The following SEM1 variants were observed in gnomAD, a reference collection of about 807,000 sequenced individuals.
The protein encoded by SEM1 is 26S proteasome complex subunit SEM1.
A neutral mutation model predicts 12.7 loss-of-function variants in SEM1; 3 were observed. The ratio of observed to expected loss-of-function variants is 0.24; its 90% CI spans 0.11 to 0.61. SEM1 has a LOEUF of 0.61. Among genes scored for constraint, SEM1 ranks in the 20% least tolerant of loss-of-function variants. The probability of loss-of-function intolerance (pLI) is 0.88; values close to 1 mark genes in which losing one functional copy is unlikely to be tolerated. For synonymous variants in SEM1, 30 were observed against 27.8 expected (o/e 1.08, Z -0.25); for missense variants, 59 against 81.3 (o/e 0.73, Z 1.06).
intron 2 of SEM1, among the ~76,000 whole-genome samples, chr7:96,635,329 C>T (rs1808399369): frequency 6.6e-6 from 1 of 151,992 alleles, no homozygotes; most frequent in African/African-American, 2.4e-5. Context: ...CAGGCAGTAA[C>T]CTATAGAAAT....
At chr7:96,517,406 G>A (rs1248657017) in intron 2 of SEM1, among the ~76,000 whole-genome samples, 1 of 152,086 alleles carries the variant, frequency 6.6e-6, no homozygotes, top group African/African-American at 2.4e-5. Context: ...TTTAAAAAAT[G>A]TTGCCATTAT....
At chr7:96,642,343 A>C (rs924643505) in intron 2 of SEM1, among the ~76,000 whole-genome samples, 1 of 152,086 alleles carries the variant, frequency 6.6e-6, no homozygotes, top group African/African-American at 2.4e-5. Flanking sequence ...GTAATTATGT[A>C]GATTTTAGTT....
At chr7:96,693,581 T>A (rs1417415976) in intron 2 of SEM1, among the ~76,000 whole-genome samples, 1 of 151,850 alleles carries the variant, frequency 6.6e-6, no homozygotes, top group Admixed American at 6.6e-5. Context: ...AAAATACGGC[T>A]ATAATTTAAA....
chr7:96,482,259 T>TA (rs1802569868), exon 4 of SEM1: 1 of 152,190 alleles, frequency 6.6e-6, no homozygotes, highest in South Asian at 2.1e-4. Context: ...AGAGTGATGT[T>TA]AAGTGTTATA....
At chr7:96,571,875 G>C (rs1806041771) in intron 2 of SEM1, among the ~76,000 whole-genome samples, 1 of 151,998 alleles carries the variant, frequency 6.6e-6, no homozygotes, top group African/African-American at 2.4e-5. Context: ...AATGGTACCA[G>C]CTTCTCTTTT....
At chr7:96,520,904 G>C (rs532325368) in intron 2 of SEM1, among the ~76,000 whole-genome samples, 1 of 152,144 alleles carries the variant, frequency 6.6e-6, no homozygotes, top group African/African-American at 2.4e-5. Flanking sequence ...GCAAGAAAAG[G>C]CTTGCTTTTC....
intron 2 of SEM1, among the ~76,000 whole-genome samples, chr7:96,605,036 T>C (rs918825622): frequency 2.0e-4 from 31 of 152,274 alleles, no homozygotes; most frequent in Admixed American, 5.2e-4. Flanking sequence ...CCTCCCCATG[T>C]GAAATGGGGA....
At chr7:96,502,274 C>T (rs1803590159) in intron 3 of SEM1, among the ~76,000 whole-genome samples, 1 of 152,140 alleles carries the variant, frequency 6.6e-6, no homozygotes, top group South Asian at 2.1e-4. Flanking sequence ...AGGCTCTATA[C>T]CACTGTAGTA....
At chr7:96,545,702 T>C (rs1326433906) in intron 2 of SEM1, among the ~76,000 whole-genome samples, 1 of 152,040 alleles carries the variant, frequency 6.6e-6, no homozygotes, top group East Asian at 1.9e-4. Flanking sequence ...AGCCCTGAAT[T>C]TTCACTATTT....
At chr7:96,561,468 C>T (rs1422610735) in intron 2 of SEM1, among the ~76,000 whole-genome samples, 1 of 152,132 alleles carries the variant, frequency 6.6e-6, no homozygotes, top group Non-Finnish European at 1.5e-5. Flanking sequence ...ATGCCCTGGT[C>T]CCCTCACAAA....
At chr7:96,698,952 C>A (rs1790185812) in intron 1 of SEM1, among the ~76,000 whole-genome samples, 1 of 152,102 alleles carries the variant, frequency 6.6e-6, no homozygotes, top group African/African-American at 2.4e-5. Context: ...TTTGTTTTTT[C>A]TTTCGCTTCC....
chr7:96,682,541 C>A (rs1789645345), intron 2 of SEM1, among the ~76,000 whole-genome samples: 1 of 151,582 alleles, frequency 6.6e-6, no homozygotes. Flanking sequence ...ATAGCTCTTA[C>A]TATTTTGAGA....
chr7:96,639,957 C>T lies in SEM1; in HGVS notation c.171-17314G>A, dbSNP rs78806207. Among the ~76,000 whole-genome samples the T allele has an allele frequency of 1.0e-3, 158 of 151,932 alleles. 2 individuals are homozygous for T. In the East Asian group the frequency reaches 0.021, roughly 20 times the overall value. ...AGATATACAGTGGGAAATAAGCATA[C>T]GAAAAGATGTTCCACATCATATATC... On this transcript the variant is annotated intron_variant, in intron 2 of 2. Transcript: ENST00000417009.
intron 1 of SEM1, among the ~76,000 whole-genome samples, chr7:96,708,580 C>G (rs987348898): frequency 6.6e-6 from 1 of 152,132 alleles, no homozygotes; most frequent in Admixed American, 6.5e-5. Flanking sequence ...TTTACAAATC[C>G]TACTCATCAA....
At chr7:96,686,039 G>A (rs1382572394), downstream of SEM1, among the ~76,000 whole-genome samples, 2 of 152,016 alleles carry the variant, frequency 1.3e-5, no homozygotes, top group African/African-American at 2.4e-5. Context: ...CTCTGTATAT[G>A]CCACCTATTA....
At chr7:96,636,031 T>C (rs1430100374) in intron 2 of SEM1, among the ~76,000 whole-genome samples, 1 of 152,146 alleles carries the variant, frequency 6.6e-6, no homozygotes, top group Non-Finnish European at 1.5e-5. Flanking sequence ...TAATATACTC[T>C]TGTTTAATTA....
chr7:96,657,265 G>A (rs891838065), intron 2 of SEM1, among the ~76,000 whole-genome samples: 4 of 152,184 alleles, frequency 2.6e-5, no homozygotes, highest in South Asian at 4.1e-4. Flanking sequence ...GCTTACACTT[G>A]TAGGAGGTGT....
intron 1 of SEM1, among the ~76,000 whole-genome samples, chr7:96,492,585 ATTTTTTTTT>A (rs59252542): frequency 3.0e-4 from 24 of 79,676 alleles, no homozygotes; most frequent in South Asian, 1.6e-3. Flanking sequence ...AATTTTTTGT[ATTTTTTTTT>A]TTTTTTTTTT....
chr7:96,678,631 G>T (rs1390073381), intron 2 of SEM1, among the ~76,000 whole-genome samples: 1 of 152,034 alleles, frequency 6.6e-6, no homozygotes, highest in African/African-American at 2.4e-5. Flanking sequence ...GGGTTGCCTA[G>T]AGCCTCATAC....
Sources: gnomAD v4.1 joint callset for allele counts (sites outside exome capture counted in the v4.1 genomes callset) on GRCh38, gnomAD v4.1.1 for gene constraint, MANE v1.5 for transcripts, NCBI Gene and HGNC (gene_info 2026-07-23, HGNC 2026-07-21) for gene names.